Variants in IDO1 observed in about 807,000 individuals in gnomAD.
The protein encoded by IDO1 is indoleamine 2,3-dioxygenase 1, also known as indolamine 2,3 dioxygenase.
A neutral mutation model predicts 38.8 loss-of-function variants in IDO1; 35 were observed. That is an observed-to-expected ratio of 0.90 (90% CI 0.69 to 1.20). The LOEUF (loss-of-function observed/expected upper bound fraction) is 1.20. IDO1 is among the 50% of genes most tolerant of loss of function. The pLI, the probability that IDO1 is intolerant of heterozygous loss-of-function variation, is 0.00. For synonymous variants in IDO1, 171 were observed against 170.0 expected, an observed-to-expected ratio of 1.01 and a Z score of -0.05; for missense variants, 509 against 485.1, an observed-to-expected ratio of 1.05 and a Z score of -0.46.
In IDO1 at chr8:39,928,381, T is replaced by G. The variant is rs1807399583; in HGVS notation, c.*196T>G. Reference sequence around the variant, plus strand: ...ATTATGTGTAATTATACTAGAAGTTTTGTAATCTGTATCTTATCATTGGAA... The same window carrying G: ...ATTATGTGTAATTATACTAGAAGTTGTGTAATCTGTATCTTATCATTGGAA... On this transcript the variant is annotated 3_prime_UTR_variant, in exon 10 of 10. Transcript: ENST00000518237. The G allele has an allele frequency of 1.9e-6, 1 of 514,220 alleles. No homozygotes were observed. Among genetic ancestry groups the G allele is most frequent in the Admixed American group, 3.4e-5 (1 of 29,202 alleles). 31.9% of individuals were successfully genotyped at this position (514,220 alleles called of 1,614,324 possible).
At chr8:39,923,447 G>T in intron 6 of IDO1, 22 bp from the exon 7 acceptor site, 11 of 1,232,040 alleles carry the variant, frequency 8.9e-6, no homozygotes, top group Non-Finnish European at 1.3e-5. Flanking sequence ...TTAAATGTTT[G>T]TGTTTTGTTT....
intron 3 of IDO1, 93 bp downstream of exon 3, chr8:39,918,300 C>T (rs752848127): frequency 1.1e-5 from 14 of 1,285,188 alleles, no homozygotes; most frequent in Non-Finnish European, 1.4e-5. Context: ...AGCATTATAA[C>T]TGCATCATGC....
intron 1 of IDO1, chr8:39,915,718 T>A (rs986915402): frequency 3.9e-5 from 6 of 152,212 alleles, no homozygotes; most frequent in Non-Finnish European, 8.8e-5. Flanking sequence ...CAGAAACTAC[T>A]AAACTTTGTA....
chr8:39,917,645 A>G (rs1241392770), intron 1 of IDO1, among the ~76,000 whole-genome samples: 1 of 152,260 alleles, frequency 6.6e-6, no homozygotes, highest in Non-Finnish European at 1.5e-5. Context: ...GTGAACTTTG[A>G]AAAGCTGCAA....
rs1433662682 is a variant in IDO1, at chr8:39,918,865, G to A, written c.354G>A (p.Leu118=). Residue 118 remains leucine, a synonymous_variant, in exon 4 of 10, where the codon CTG becomes CTA. Coordinates refer to ENST00000518237, the MANE Select transcript of IDO1 (RefSeq NM_002164.6). ...CTTACTGCCAACTCTCCAAGAAACTGGAACTGCCTCCTATTTTGGTTTATG... is the reference window on the plus strand; with the variant it reads ...CTTACTGCCAACTCTCCAAGAAACTAGAACTGCCTCCTATTTTGGTTTATG... ...AVPYCQLSKK[L]ELPPILVYAD... is the part of the protein sequence containing the mutation. The A allele has an allele frequency of 1.2e-6, 2 of 1,613,060 alleles. No homozygotes were observed. The highest frequency in any genetic ancestry group is 1.7e-6 in the Non-Finnish European group (2 of 1,179,526).
intron 1 of IDO1, among the ~76,000 whole-genome samples, chr8:39,914,433 G>A (rs1006741949): frequency 6.6e-5 from 10 of 152,126 alleles, no homozygotes; most frequent in Admixed American, 1.3e-4. Flanking sequence ...TGCAAAACAT[G>A]TGTTTCTAAT....
In IDO1 at chr8:39,920,122, T is replaced by C; in HGVS notation, c.437+8T>C. The C allele has an allele frequency of 1.2e-6, 2 of 1,605,040 alleles. No individual in the cohort carries two copies. Among genetic ancestry groups the C allele is most frequent in the Non-Finnish European group, 1.7e-6 (2 of 1,174,470 alleles). On this transcript the variant is annotated splice_region_variant and intron_variant, in intron 5 of 9. Transcript: ENST00000518237. ...AAGGCCCCTGACTTATGAGTAAGTA[T>C]CTGATTCTTGTTTGATTCTAAGAAT...
rs761799363 is a variant in IDO1 at position 39,927,836 on chromosome 8, C to T, written c.863C>T (p.Ala288Val). The T allele has an allele frequency of 6.6e-7, 1 of 1,524,868 alleles. No individual in the cohort carries two copies. Among genetic ancestry groups the T allele is most frequent in the Admixed American group, 2.1e-5 (1 of 46,720 alleles). The allele number at this position is 1,524,868 out of a possible 1,614,324, so 94.5% of individuals were successfully genotyped here. ...GIQQTAGGGH[A>V]AQFLQDMRRY... is the part of the protein sequence containing the mutation. Reference sequence around the variant, plus strand: ...CTTTCTCTTTTTCCTATAGGACATGCTGCTCAGTTCCTCCAGGACATGAGA... The same window carrying T: ...CTTTCTCTTTTTCCTATAGGACATGTTGCTCAGTTCCTCCAGGACATGAGA... Residue 288 changes from alanine (A) to valine (V), a missense_variant, in exon 10 of 10, where the codon GCT (alanine) becomes GTT (valine). Transcript: ENST00000518237.
At chr8:39,923,928 G>GAA (rs60757217) in intron 7 of IDO1, 6 of 140,884 alleles carry the variant, frequency 4.3e-5, no homozygotes, top group Admixed American at 7.4e-5. Context: ...TTTAAGTCCC[G>GAA]AAAAAAAAAA....
At chr8:39,923,720 C>T in intron 7 of IDO1, 134 bp downstream of exon 7, 1 of 544,424 alleles carries the variant, frequency 1.8e-6, no homozygotes, top group South Asian at 2.7e-5. Flanking sequence ...TCTTACTAAA[C>T]CATTCCACTT....
At position 39,928,539 on chromosome 8, in the gene IDO1, T is replaced by C. The variant is rs538117842; in HGVS notation, c.*354T>C. Reference sequence around the variant, plus strand: ...ACAAGGTCAGGAGATCGAGACCATCTTGGCTAACACGGTGAAACCCCGTCT... The same window carrying C: ...ACAAGGTCAGGAGATCGAGACCATCCTGGCTAACACGGTGAAACCCCGTCT... On this transcript the variant is annotated 3_prime_UTR_variant, in exon 10 of 10. Coordinates refer to ENST00000518237, the MANE Select transcript of IDO1 (RefSeq NM_002164.6). 224 of 167,454 alleles carry C rather than the reference T, an allele frequency of 1.3e-3. No individual in the cohort carries two copies. Among genetic ancestry groups the C allele is most frequent in the Non-Finnish European group, 2.3e-3 (181 of 77,198 alleles). 10.4% of individuals were successfully genotyped at this position (167,454 alleles called of 1,614,324 possible).
chr8:39,924,487 C>A (rs1202323801), intron 7 of IDO1, among the ~76,000 whole-genome samples: 1 of 151,708 alleles, frequency 6.6e-6, no homozygotes, highest in African/African-American at 2.4e-5. Context: ...TTACTTGTTA[C>A]GTCAGTAAGC....
chr8:39,917,870 T>C lies in IDO1; in HGVS notation c.88-5T>C, dbSNP rs773040404. 7.0e-6 allele frequency: 11 copies of C among 1,577,182 alleles called. No individual in the cohort carries two copies. The highest frequency in any genetic ancestry group is 5.1e-5 in the Admixed American group (3 of 58,414). On this transcript the variant is annotated splice_region_variant and splice_polypyrimidine_tract_variant and intron_variant, in intron 1 of 9. Transcript: ENST00000518237. ...ACTAAATAAAGATCTTTTTTTTTTT[T>C]CAAGGAAAATCTACCTGATTTTTAT... is the stretch of plus-strand genomic sequence containing the variant.
intron 5 of IDO1, chr8:39,920,953 A>G (rs1170613698): frequency 2.0e-5 from 3 of 152,282 alleles, no homozygotes; most frequent in South Asian, 2.1e-4. Context: ...TATGATAAAG[A>G]TAAGGCATAA....
chr8:39,927,559 C>CAA (rs1275800487), intron 9 of IDO1, among the ~76,000 whole-genome samples: 4 of 61,286 alleles, frequency 6.5e-5, no homozygotes, highest in East Asian at 5.0e-4. Context: ...GACTCTGTCT[C>CAA]AAAAAAAAAA....
intron 4 of IDO1, 64 bp from the exon 5 acceptor site, chr8:39,920,035 TG>T: frequency 1.5e-6 from 2 of 1,368,260 alleles, no homozygotes; most frequent in Non-Finnish European, 2.1e-6. Context: ...CATCATTATT[TG>T]ATGTTAAATT....
intron 9 of IDO1, among the ~76,000 whole-genome samples, chr8:39,926,825 C>A (rs1282733460): frequency 2.0e-5 from 3 of 152,124 alleles, no homozygotes; most frequent in Non-Finnish European, 4.4e-5. Context: ...AGTTTTTCAA[C>A]CTTTGCTTTC....
rs866541589 is a variant in IDO1 at position 39,928,403 on chromosome 8, G to A, written c.*218G>A. The A allele has an allele frequency of 6.7e-6, 3 of 449,560 alleles. No individual in the cohort carries two copies. Among genetic ancestry groups the A allele is most frequent in the South Asian group, 4.0e-5 (1 of 25,198 alleles). 27.8% of individuals were successfully genotyped at this position (449,560 alleles called of 1,614,324 possible). ...GTTTTGTAATCTGTATCTTATCATT[G>A]GAATAAAATGACATTCAATAAATAA... On this transcript the variant is annotated 3_prime_UTR_variant, in exon 10 of 10. Transcript: ENST00000518237.
intron 9 of IDO1, among the ~76,000 whole-genome samples, chr8:39,926,029 T>C (rs1399151272): frequency 6.8e-6 from 1 of 147,754 alleles, no homozygotes; most frequent in Non-Finnish European, 1.5e-5. Flanking sequence ...CTACTAAAAA[T>C]ACAAAAAAGT....
Sources: gnomAD v4.1 joint callset for allele counts (sites outside exome capture counted in the v4.1 genomes callset) on GRCh38, gnomAD v4.1.1 for gene constraint, MANE v1.5 for transcripts, NCBI Gene and HGNC (gene_info 2026-07-23, HGNC 2026-07-21) for gene names.